The following FRMPD4 variants were observed in gnomAD, a reference collection of about 807,000 sequenced individuals.
FRMPD4 encodes FERM and PDZ domain-containing protein 4.
Under a neutral mutation model 94.1 loss-of-function variants are expected in FRMPD4, and 22 were observed. The ratio of observed to expected loss-of-function variants is 0.23; its 90% CI spans 0.17 to 0.33. The LOEUF (loss-of-function observed/expected upper bound fraction) is 0.33. FRMPD4 is among the 10% of genes least tolerant of loss of function. FRMPD4 has a pLI of 1.00. For synonymous variants in FRMPD4, 631 were observed against 548.6 expected, an observed-to-expected ratio of 1.15 and a Z score of -2.10; for missense variants, 1,111 against 1,339.9, an observed-to-expected ratio of 0.83 and a Z score of 2.67.
chrX:12,501,988 A>G (rs2057926774), intron 2 of FRMPD4, among the ~76,000 whole-genome samples: 1 of 111,902 alleles, frequency 8.9e-6, no homozygotes, highest in Non-Finnish European at 1.9e-5. Context: ...ACATGCTAAT[A>G]TATGTTTTTA....
chrX:11,841,915 C>A (rs1208389421), intron 1 of FRMPD4, among the ~76,000 whole-genome samples: 1 of 110,018 alleles, frequency 9.1e-6, no homozygotes, highest in Non-Finnish European at 1.9e-5. Context: ...ATCTTGAATT[C>A]ATTTTTGTAT....
intron 1 of FRMPD4, among the ~76,000 whole-genome samples, chrX:11,837,142 CAG>C (rs1322017155): frequency 8.9e-6 from 1 of 111,742 alleles, no homozygotes; most frequent in African/African-American, 3.2e-5. Flanking sequence ...CCTTTCTGGG[CAG>C]AGTTTAAGCA....
At position 12,718,745 on chromosome X, in the gene FRMPD4, T is replaced by C; in HGVS notation, c.3919T>C (p.Leu1307=). 8.3e-7 allele frequency: 1 copy of C among 1,207,619 alleles called. No homozygotes were observed. Residue 1307 remains leucine, a synonymous_variant, in exon 16 of 17, where the codon TTG becomes CTG. Coordinates refer to ENST00000675598, the MANE Select transcript of FRMPD4 (RefSeq NM_001368397.1). ...AINTEPLFGT[L]RDGCHRLPKI... The stretch of plus-strand genomic sequence containing the variant: ...TAACACCGAACCCCTGTTTGGCACA[T>C]TGAGAGATGGATGCCATCGGCTCCC...
chrX:11,933,096 A>G (rs191811744), intron 3 of FRMPD4, among the ~76,000 whole-genome samples: 21 of 111,783 alleles, frequency 1.9e-4, no homozygotes, highest in Admixed American at 1.8e-3. Context: ...AAGAGATGAG[A>G]GCTCAGACAC....
chrX:12,621,875 GGAAGGGAAGGGAAGT>G (rs1179884759), intron 4 of FRMPD4, among the ~76,000 whole-genome samples: 45 of 77,533 alleles, frequency 5.8e-4, no homozygotes, highest in East Asian at 1.5e-3. Context: ...AAAAAGGAAA[GGAAGGGAAGGGAAGT>G]GAAGGGAAGG....
chrX:12,250,387 C>T (rs766643288), intron 1 of FRMPD4, among the ~76,000 whole-genome samples: 9 of 111,525 alleles, frequency 8.1e-5, no homozygotes, highest in African/African-American at 2.3e-4. Flanking sequence ...ATGCGATCAT[C>T]AAATGTATCT....
At chrX:12,288,801 C>T (rs2054640194) in intron 1 of FRMPD4, among the ~76,000 whole-genome samples, 1 of 111,730 alleles carries the variant, frequency 9.0e-6, no homozygotes, top group Admixed American at 9.5e-5. Flanking sequence ...GAGTAATGGA[C>T]ACTATTTGTC....
chrX:11,926,906 A>G (rs903971998), intron 3 of FRMPD4, among the ~76,000 whole-genome samples: 1 of 111,624 alleles, frequency 9.0e-6, no homozygotes, highest in Non-Finnish European at 1.9e-5. Flanking sequence ...CAGGGAAATT[A>G]GCCAACAGAA....
In FRMPD4 at chrX:11,924,303, G is replaced by A. The variant is rs994848494; in HGVS notation, c.95+46285G>A. 9.8e-5 allele frequency among the ~76,000 whole-genome samples: 11 copies of A among 111,846 alleles called. 1 individual carries two copies. The highest frequency in any genetic ancestry group is 4.7e-4 in the Admixed American group (5 of 10,562). On this transcript the variant is annotated intron_variant, in intron 3 of 18. Coordinates refer to the FRMPD4 transcript ENST00000640291. The stretch of plus-strand genomic sequence containing the variant: ...CTGACTGGTGTCCCCGAAAGAGATG[G>A]AAAGAATGAAGCCAACTTGGAAAAC...
At chrX:12,607,934 T>G (rs1053034241) in intron 2 of FRMPD4, among the ~76,000 whole-genome samples, 1 of 112,609 alleles carries the variant, frequency 8.9e-6, no homozygotes, top group South Asian at 3.7e-4. Context: ...TTATTAATTA[T>G]GCAGAAAGAC....
intron 1 of FRMPD4, among the ~76,000 whole-genome samples, chrX:12,195,721 C>T (rs764672405): frequency 1.8e-5 from 2 of 111,493 alleles, no homozygotes; most frequent in Non-Finnish European, 3.8e-5. Flanking sequence ...CAGGAGCCAG[C>T]CAAGGACCAA....
chrX:12,145,515 G>A (rs1297314134), intron 1 of FRMPD4, among the ~76,000 whole-genome samples: 1 of 112,903 alleles, frequency 8.9e-6, no homozygotes, highest in Non-Finnish European at 1.9e-5. Flanking sequence ...TGTGGCTCAG[G>A]GCGATGTCCT....
intron 2 of FRMPD4, among the ~76,000 whole-genome samples, chrX:12,586,103 A>T (rs1405455766): frequency 8.9e-6 from 1 of 112,943 alleles, no homozygotes; most frequent in Non-Finnish European, 1.9e-5. Context: ...TAAAGGCCAG[A>T]TGCTAGTTAG....
In FRMPD4 at chrX:11,944,995, G is replaced by A. The variant is rs1403095500; in HGVS notation, c.95+66977G>A. 2.7e-5 allele frequency among the ~76,000 whole-genome samples: 3 copies of A among 112,267 alleles called. No homozygotes were observed. In the East Asian group the frequency reaches 8.4e-4, roughly 31 times the overall value. The stretch of plus-strand genomic sequence containing the variant: ...CAGCTTTCAGACATGACTGCACGTT[G>A]TGATCACCTGGGGAATTTTGAACAC... On this transcript the variant is annotated intron_variant, in intron 3 of 18. Transcript: ENST00000640291.
chrX:12,309,607 C>T (rs2054999182), intron 1 of FRMPD4, among the ~76,000 whole-genome samples: 1 of 112,306 alleles, frequency 8.9e-6, no homozygotes, highest in Admixed American at 9.3e-5. Flanking sequence ...CACAGGCCAT[C>T]TTCTTGACTA....
At chrX:12,205,322 G>A (rs775537051) in intron 1 of FRMPD4, among the ~76,000 whole-genome samples, 6 of 111,535 alleles carry the variant, frequency 5.4e-5, no homozygotes, top group Middle Eastern at 4.6e-3. Flanking sequence ...TAAATCGACT[G>A]TCTCTTAAGG....
chrX:11,934,689 A>G (rs2054141899), intron 3 of FRMPD4, among the ~76,000 whole-genome samples: 1 of 111,855 alleles, frequency 8.9e-6, no homozygotes, highest in Non-Finnish European at 1.9e-5. Flanking sequence ...TGTTCCTTTG[A>G]GATTATAAAC....
intron 3 of FRMPD4, among the ~76,000 whole-genome samples, chrX:12,069,029 A>G (rs1383809803): frequency 8.9e-6 from 1 of 112,127 alleles, no homozygotes; most frequent in African/African-American, 3.2e-5. Context: ...AGCATGCAGA[A>G]TGAAGAGTGT....
At chrX:12,422,179 T>C (rs988128656) in intron 1 of FRMPD4, among the ~76,000 whole-genome samples, 1 of 112,202 alleles carries the variant, frequency 8.9e-6, no homozygotes, top group African/African-American at 3.2e-5. Context: ...CTGTGTCTCT[T>C]ATCTGGTACA....
Sources: gnomAD v4.1 joint callset for allele counts (sites outside exome capture counted in the v4.1 genomes callset) on GRCh38, gnomAD v4.1.1 for gene constraint, MANE v1.5 for transcripts, NCBI Gene and HGNC (gene_info 2026-07-23, HGNC 2026-07-21) for gene names.